The following VPS54 variants were observed in gnomAD, a reference collection of about 807,000 sequenced individuals.
The protein encoded by VPS54 is vacuolar protein sorting-associated protein 54.
VPS54 carries 45 observed loss-of-function variants against 121.5 expected under a neutral mutation model. That is an observed-to-expected ratio of 0.37 (90% CI 0.29 to 0.47). VPS54 has a LOEUF of 0.47. Ranked by LOEUF, VPS54 falls within the 20% of genes least tolerant of loss-of-function variation. VPS54 has a pLI of 0.99. For synonymous variants in VPS54, 371 were observed against 385.8 expected (o/e 0.96, Z 0.45); for missense variants, 1,090 against 1,131.4 (o/e 0.96, Z 0.52).
intron 7 of VPS54, among the ~76,000 whole-genome samples, chr2:63,951,825 T>G (rs537337406): frequency 4.6e-5 from 7 of 152,150 alleles, no homozygotes; most frequent in African/African-American, 1.7e-4. Context: ...TGTGTATAAA[T>G]GGACCCACAA....
At chr2:63,942,784 G>C (rs1674800780) in intron 10 of VPS54, among the ~76,000 whole-genome samples, 1 of 152,066 alleles carries the variant, frequency 6.6e-6, no homozygotes, top group African/African-American at 2.4e-5. Flanking sequence ...AATTTCATAT[G>C]AACAAGCTTT....
intron 20 of VPS54, among the ~76,000 whole-genome samples, chr2:63,905,333 T>G (rs910017673): frequency 1.3e-4 from 20 of 152,206 alleles, no homozygotes; most frequent in African/African-American, 3.6e-4. Context: ...TTAACATCAT[T>G]ACCAATATCA....
At chr2:63,980,897 A>C (rs1449872149) in intron 3 of VPS54, among the ~76,000 whole-genome samples, 1 of 152,058 alleles carries the variant, frequency 6.6e-6, no homozygotes, top group Non-Finnish European at 1.5e-5. Flanking sequence ...ACACAAAGGC[A>C]AATAAAATAT....
intron 1 of VPS54, among the ~76,000 whole-genome samples, chr2:64,015,900 C>T (rs1678663613): frequency 6.6e-6 from 1 of 152,178 alleles, no homozygotes; most frequent in Non-Finnish European, 1.5e-5. Flanking sequence ...CACTTTTCCC[C>T]CAAAGTTGGG....
rs1056173431 is a variant in VPS54, at chr2:64,007,195, G to A, written c.-21+11743C>T. ...TCCTCATTGCCTTGCCACTAAAGGGGGTAAAAAGAATATTGGAAAGTGATA... is the reference window on the plus strand; with the variant it reads ...TCCTCATTGCCTTGCCACTAAAGGGAGTAAAAAGAATATTGGAAAGTGATA... On this transcript the variant is annotated intron_variant, in intron 1 of 22. Coordinates refer to ENST00000272322, the MANE Select transcript of VPS54 (RefSeq NM_016516.3). 3.3e-5 allele frequency among the ~76,000 whole-genome samples: 5 copies of A among 152,228 alleles called. No homozygotes were observed. In the East Asian group the frequency reaches 9.6e-4, roughly 29 times the overall value.
intron 20 of VPS54, 68 bp downstream of exon 20, chr2:63,912,277 G>C: frequency 8.0e-7 from 1 of 1,249,606 alleles, no homozygotes; most frequent in Non-Finnish European, 1.1e-6. Flanking sequence ...AATTTATAAA[G>C]TACTCCTTAT....
At chr2:63,901,741 C>T (rs1672687208) in intron 20 of VPS54, among the ~76,000 whole-genome samples, 1 of 152,128 alleles carries the variant, frequency 6.6e-6, no homozygotes, top group South Asian at 2.1e-4. Context: ...CTGGGCCGGG[C>T]ATGGTGGCTC....
At chr2:63,970,899 T>C (rs144049620) in intron 4 of VPS54, among the ~76,000 whole-genome samples, 48 of 151,854 alleles carry the variant, frequency 3.2e-4, no homozygotes, top group Middle Eastern at 3.4e-3. Flanking sequence ...TTGTCCAGCA[T>C]ACCTGTCTAT....
At chr2:63,939,490 T>C (rs1211380806) in intron 11 of VPS54, among the ~76,000 whole-genome samples, 1 of 152,150 alleles carries the variant, frequency 6.6e-6, no homozygotes, top group African/African-American at 2.4e-5. Context: ...CCCTGGTAAA[T>C]CAAACAAGAA....
intron 7 of VPS54, among the ~76,000 whole-genome samples, chr2:63,949,512 T>G (rs906514379): frequency 1.3e-5 from 2 of 152,210 alleles, no homozygotes; most frequent in African/African-American, 4.8e-5. Context: ...GAACACATTC[T>G]TTTCTATATT....
intron 20 of VPS54, among the ~76,000 whole-genome samples, chr2:63,905,495 CA>C (rs1431221139): frequency 6.6e-5 from 10 of 151,306 alleles, no homozygotes; most frequent in African/African-American, 1.2e-4. Flanking sequence ...GTAGATTACC[CA>C]CATAGTTCTA....
At chr2:63,945,529 C>T (rs1378338745) in intron 9 of VPS54, among the ~76,000 whole-genome samples, 1 of 152,048 alleles carries the variant, frequency 6.6e-6, no homozygotes, top group Non-Finnish European at 1.5e-5. Context: ...CACATGAACC[C>T]CTGAACTTAA....
At chr2:63,982,680 T>C (rs995927411) in intron 2 of VPS54, among the ~76,000 whole-genome samples, 7 of 152,218 alleles carry the variant, frequency 4.6e-5, no homozygotes, top group African/African-American at 1.7e-4. Context: ...AGGGACATCA[T>C]AGCCTTCTTG....
At chr2:63,916,425 T>C (rs970687920) in intron 16 of VPS54, among the ~76,000 whole-genome samples, 1 of 152,184 alleles carries the variant, frequency 6.6e-6, no homozygotes, top group African/African-American at 2.4e-5. Context: ...TATCAACTTA[T>C]TAGGTGCTAG....
chr2:64,004,656 C>T (rs969736325), intron 1 of VPS54, among the ~76,000 whole-genome samples: 1 of 152,192 alleles, frequency 6.6e-6, no homozygotes, highest in Non-Finnish European at 1.5e-5. Context: ...ATTTCTTTTA[C>T]AGTCTGGCGA....
intron 7 of VPS54, among the ~76,000 whole-genome samples, chr2:63,953,823 C>T (rs6736556): frequency 0.74 from 113,263 of 152,052 alleles, 43,752 homozygotes; most frequent in African/African-American, 0.9. Context: ...ATATGGTTTT[C>T]ACTTCTTCAA....
At chr2:63,941,574 G>A (rs1486504008) in intron 11 of VPS54, among the ~76,000 whole-genome samples, 1 of 152,120 alleles carries the variant, frequency 6.6e-6, no homozygotes, top group Non-Finnish European at 1.5e-5. Flanking sequence ...ATTCAAACCA[G>A]TATGTATTAG....
chr2:63,902,980 CAACAT>C (rs70965151), intron 20 of VPS54, among the ~76,000 whole-genome samples: 5,457 of 151,520 alleles, frequency 0.036, 246 homozygotes, highest in African/African-American at 0.11. Flanking sequence ...AATAACATAA[CAACAT>C]AACATAACAT....
rs914936853 is a variant in VPS54, at chr2:64,019,276, G to A, written c.-359C>T. On this transcript the variant is annotated 5_prime_UTR_variant, in exon 1 of 23. Coordinates refer to ENST00000272322, the MANE Select transcript of VPS54 (RefSeq NM_016516.3). ...GCCTCTCCCACATCCCCGGCCTCCA[G>A]GGGAGCCGCCGCCGCCGCGCCACGA... Among the ~76,000 whole-genome samples the A allele has an allele frequency of 1.1e-4, 17 of 150,002 alleles. No individual in the cohort carries two copies. Among genetic ancestry groups the A allele is most frequent in the Non-Finnish European group, 1.5e-4 (10 of 67,142 alleles).
Sources: gnomAD v4.1 joint callset for allele counts (sites outside exome capture counted in the v4.1 genomes callset) on GRCh38, gnomAD v4.1.1 for gene constraint, MANE v1.5 for transcripts, NCBI Gene and HGNC (gene_info 2026-07-23, HGNC 2026-07-21) for gene names.